The following NPHP1 variants were observed in gnomAD, a reference collection of about 807,000 sequenced individuals.
NPHP1 encodes the protein nephrocystin 1, also known as nephrocystin-1.
A neutral mutation model predicts 90.4 loss-of-function variants in NPHP1; 70 were observed. The observed-to-expected ratio is 0.77, with a 90% CI of 0.64 to 0.95. The LOEUF (loss-of-function observed/expected upper bound fraction) is 0.95. Among genes scored for constraint, NPHP1 ranks in the 40% least tolerant of loss-of-function variants. NPHP1 has a pLI of 0.00. For missense variants in NPHP1, 764 were observed against 795.9 expected (o/e 0.96, Z 0.48); for synonymous variants, 256 against 271.7 (o/e 0.94, Z 0.57).
chr2:110,139,233 G>A (rs201533534), intron 16 of NPHP1, among the ~76,000 whole-genome samples: 16 of 140,024 alleles, frequency 1.1e-4, no homozygotes, highest in East Asian at 8.1e-4. Flanking sequence ...ACACACACAC[G>A]CAACCTACTT....
At chr2:110,136,054 A>G (rs1680172668) in intron 16 of NPHP1, among the ~76,000 whole-genome samples, 1 of 152,240 alleles carries the variant, frequency 6.6e-6, no homozygotes, top group Non-Finnish European at 1.5e-5. Flanking sequence ...GCATATAAAC[A>G]GAACCAATGA....
chr2:110,125,279 A>C (rs1679267342), intron 19 of NPHP1: 3 of 1,535,796 alleles, frequency 2.0e-6, no homozygotes, highest in Non-Finnish European at 2.6e-6. Flanking sequence ...GGTACAGCTC[A>C]GGCCATTTTT....
At chr2:110,184,650 C>A in intron 2 of NPHP1, 1 of 788,052 alleles carries the variant, frequency 1.3e-6, no homozygotes, top group Non-Finnish European at 2.2e-6. Flanking sequence ...CCTCTACCTG[C>A]ATAAGGAGGG....
intron 2 of NPHP1, among the ~76,000 whole-genome samples, chr2:110,199,840 T>A (rs1685443797): frequency 6.6e-6 from 1 of 152,148 alleles, no homozygotes; most frequent in African/African-American, 2.4e-5. Context: ...CTCAGAGCAC[T>A]GAGCAGATAA....
chr2:110,187,293 G>C (rs553466588), intron 2 of NPHP1, among the ~76,000 whole-genome samples: 68 of 152,106 alleles, frequency 4.5e-4, no homozygotes, highest in African/African-American at 1.5e-3. Context: ...AAAGAAAAGA[G>C]AGAAGAATCA....
intron 5 of NPHP1, 150 bp from the exon 6 acceptor site, chr2:110,168,703 T>A: frequency 3.2e-6 from 2 of 634,332 alleles, no homozygotes; most frequent in South Asian, 3.8e-5. Flanking sequence ...AGCTTCCCTA[T>A]CACCCGACCC....
intron 2 of NPHP1, among the ~76,000 whole-genome samples, chr2:110,195,405 T>C (rs1318614191): frequency 1.3e-5 from 2 of 152,080 alleles, no homozygotes; most frequent in African/African-American, 4.8e-5. Flanking sequence ...CCATTCACAA[T>C]TGCTACAAAG....
chr2:110,162,314 G>A (rs771480687), intron 9 of NPHP1, among the ~76,000 whole-genome samples: 1 of 151,990 alleles, frequency 6.6e-6, no homozygotes, highest in Non-Finnish European at 1.5e-5. Flanking sequence ...AGCTATAAAG[G>A]GTGTTCACAT....
chr2:110,184,584 C>T lies in NPHP1; in HGVS notation c.144-4900G>A, dbSNP rs544260721. Reference sequence around the variant, plus strand: ...GCCCATCTATCAGGGCTTTGCCATGCCCCACTCCATCATGCGAATTGACAT... The same window carrying T: ...GCCCATCTATCAGGGCTTTGCCATGTCCCACTCCATCATGCGAATTGACAT... On this transcript the variant is annotated intron_variant, in intron 2 of 19. Transcript: ENST00000445609. 23 of 1,248,066 alleles carry T rather than the reference C, an allele frequency of 1.8e-5. No homozygotes were observed. In the African/African-American group the frequency reaches 3.2e-4, roughly 17 times the overall value. 77.3% of individuals were successfully genotyped at this position (1,248,066 alleles called of 1,614,324 possible).
chr2:110,178,552 G>T lies in NPHP1; in HGVS notation c.205-5C>A. 6.2e-7 allele frequency: 1 copy of T among 1,608,918 alleles called. No homozygotes were observed. The highest frequency in any genetic ancestry group is 1.1e-5 in the South Asian group (1 of 89,358). On this transcript the variant is annotated splice_region_variant and splice_polypyrimidine_tract_variant and intron_variant, in intron 3 of 19. Transcript: ENST00000445609. Reference sequence around the variant, plus strand: ...AACAGGTGCAGATTCATCAGCCTATGAGAGAATATAGGTCTATTTCACTAA... The same window carrying T: ...AACAGGTGCAGATTCATCAGCCTATTAGAGAATATAGGTCTATTTCACTAA...
At chr2:110,144,174 T>C (rs1296617717) in intron 15 of NPHP1, 3 of 378,954 alleles carry the variant, frequency 7.9e-6, no homozygotes, top group Non-Finnish European at 1.5e-5. Flanking sequence ...TATTACTGTT[T>C]CAAATGTCTG....
chr2:110,147,841 CT>C (rs1681173801), intron 13 of NPHP1, 74 bp downstream of exon 13: 1 of 866,692 alleles, frequency 1.2e-6, no homozygotes, highest in African/African-American at 1.7e-5. Flanking sequence ...CAAGGATTTC[CT>C]TGTCAATAGA....
At chr2:110,127,800 T>A (rs1331240731) in intron 18 of NPHP1, 2 of 152,138 alleles carry the variant, frequency 1.3e-5, no homozygotes, top group African/African-American at 4.8e-5. Flanking sequence ...TTAGGGATCC[T>A]AAGTTTCCTC....
chr2:110,192,209 G>A (rs183474996), intron 2 of NPHP1, among the ~76,000 whole-genome samples: 18 of 152,208 alleles, frequency 1.2e-4, no homozygotes, highest in Middle Eastern at 6.8e-3. Context: ...AAACTTCTCC[G>A]AGCTAAAGGA....
chr2:110,161,790 C>T (rs1682363271), intron 9 of NPHP1, 93 bp from the exon 10 acceptor site: 2 of 864,278 alleles, frequency 2.3e-6, no homozygotes, highest in Non-Finnish European at 3.8e-6. Flanking sequence ...AGTACAGGCA[C>T]TTCCAAAATG....
At chr2:110,158,850 G>C (rs1293160446) in intron 11 of NPHP1, among the ~76,000 whole-genome samples, 1 of 151,768 alleles carries the variant, frequency 6.6e-6, no homozygotes, top group Admixed American at 6.6e-5. Flanking sequence ...CTTGTTCCTG[G>C]TCTTAGGAAA....
At chr2:110,201,561 T>C in intron 1 of NPHP1, 67 bp from the exon 2 acceptor site, 3 of 1,110,904 alleles carry the variant, frequency 2.7e-6, no homozygotes, top group Non-Finnish European at 4.0e-6. Context: ...AAACTTCTTT[T>C]TTTATCCAAT....
intron 16 of NPHP1, among the ~76,000 whole-genome samples, chr2:110,132,831 G>C (rs563019762): frequency 2.0e-5 from 3 of 152,130 alleles, no homozygotes; most frequent in Non-Finnish European, 4.4e-5. Context: ...GTTGGTATTA[G>C]TTTAAAATAG....
chr2:110,161,808 G>T, intron 9 of NPHP1, 111 bp from the exon 10 acceptor site: 5 of 719,632 alleles, frequency 6.9e-6, no homozygotes, highest in Non-Finnish European at 9.7e-6. Context: ...ATGCCACGCT[G>T]CTTACTAAGA....
Sources: allele counts gnomAD v4.1 joint callset (sites outside exome capture counted in the v4.1 genomes callset), GRCh38; gene constraint gnomAD v4.1.1; transcripts MANE v1.5; gene names NCBI Gene and HGNC (gene_info 2026-07-23, HGNC 2026-07-21).